The following IFT140 variants were observed in gnomAD, a reference collection of about 807,000 sequenced individuals.
IFT140 encodes intraflagellar transport protein 140 homolog.
IFT140 carries 133 observed loss-of-function variants against 164.6 expected under a neutral mutation model. That is an observed-to-expected ratio of 0.81 (90% CI 0.70 to 0.93). The LOEUF (loss-of-function observed/expected upper bound fraction) is 0.93, where lower values mean the gene tolerates loss of function less well. Among genes scored for constraint, IFT140 ranks in the 40% least tolerant of loss-of-function variants. The pLI, the probability that IFT140 is intolerant of heterozygous loss-of-function variation, is 0.00. For synonymous variants in IFT140, 860 were observed against 817.3 expected (o/e 1.05, Z -0.89); for missense variants, 2,045 against 1,972.3 (o/e 1.04, Z -0.70).
intron 30 of IFT140, among the ~76,000 whole-genome samples, chr16:1,513,837 C>A (rs1015358999): frequency 1.3e-5 from 2 of 148,332 alleles, no homozygotes; most frequent in Non-Finnish European, 3.0e-5. Flanking sequence ...CCACACCCGG[C>A]TAATTTTTTG....
rs186139994 is a variant in IFT140 at position 1,584,069 on chromosome 16, T to C, written c.1359+148A>G. 7 of 653,332 alleles carry C rather than the reference T, an allele frequency of 1.1e-5. No homozygotes were observed. In the African/African-American group the frequency reaches 1.1e-4, roughly 10 times the overall value. The allele number at this position is 653,332 out of a possible 1,614,324, so 40.5% of individuals were successfully genotyped here. Reference sequence around the variant, plus strand: ...ATTACGATTTTCTTTATGAATATAATGTACATGGATATCCAGGAAATAAGA... The same window carrying C: ...ATTACGATTTTCTTTATGAATATAACGTACATGGATATCCAGGAAATAAGA... On this transcript the variant is annotated intron_variant, in intron 11 of 30. Coordinates refer to ENST00000426508, the MANE Select transcript of IFT140 (RefSeq NM_014714.4).
intron 19 of IFT140, among the ~76,000 whole-genome samples, chr16:1,536,669 C>CA (rs1426243761): frequency 6.6e-6 from 1 of 152,130 alleles, no homozygotes; most frequent in African/African-American, 2.4e-5. Flanking sequence ...GGAGTGCAGC[C>CA]ACCACATCCC....
Position 1,566,301 on chromosome 16 carries a change from G to A in IFT140, c.1771-10C>T. The A allele has an allele frequency of 6.2e-7, 1 of 1,612,772 alleles. No individual in the cohort carries two copies. Among genetic ancestry groups the A allele is most frequent in the Non-Finnish European group, 8.5e-7 (1 of 1,179,142 alleles). ...CAGGGCTGTTGTCAGCCTAGGAGAA[G>A]AGAAAACCAGAAAGCTCACGGAGCC... On this transcript the variant is annotated splice_polypyrimidine_tract_variant and intron_variant, in intron 15 of 30. Transcript: ENST00000426508.
chr16:1,519,848 C>G (rs765101783), intron 29 of IFT140, 33 bp downstream of exon 29: 33 of 1,512,906 alleles, frequency 2.2e-5, no homozygotes, highest in Non-Finnish European at 2.9e-5. Flanking sequence ...TCACATCTGC[C>G]CTGGCCTGTC....
chr16:1,547,673 C>CTG (rs1596342163), intron 19 of IFT140, among the ~76,000 whole-genome samples: 1 of 152,116 alleles, frequency 6.6e-6, no homozygotes, highest in Non-Finnish European at 1.5e-5. Context: ...AGTAGCTGGA[C>CTG]TACAGGCATG....
At chr16:1,540,607 G>A (rs952854765) in intron 19 of IFT140, among the ~76,000 whole-genome samples, 11 of 152,224 alleles carry the variant, frequency 7.2e-5, no homozygotes, top group Non-Finnish European at 1.5e-4. Context: ...TGGTGTCTGT[G>A]ATGAATGCGG....
chr16:1,515,017 G>T (rs916814775), intron 30 of IFT140, among the ~76,000 whole-genome samples: 1 of 152,022 alleles, frequency 6.6e-6, no homozygotes, highest in African/African-American at 2.4e-5. Flanking sequence ...GATAGCTAAA[G>T]AAAGTCTAGA....
intron 19 of IFT140, among the ~76,000 whole-genome samples, chr16:1,548,368 GC>G (rs1426339726): frequency 6.6e-6 from 1 of 152,216 alleles, no homozygotes; most frequent in African/African-American, 2.4e-5. Flanking sequence ...AGAAGCTGAA[GC>G]CCCAAGAAGC....
Position 1,510,734 on chromosome 16 carries a change from C to T in IFT140, c.*210G>A, listed in dbSNP as rs901811355. The T allele has an allele frequency of 6.7e-6, 4 of 598,018 alleles. No homozygotes were observed. Among genetic ancestry groups the T allele is most frequent in the Non-Finnish European group, 1.2e-5 (4 of 337,742 alleles). The allele number at this position is 598,018 out of a possible 1,614,324, so 37.0% of individuals were successfully genotyped here. On this transcript the variant is annotated 3_prime_UTR_variant, in exon 31 of 31. Coordinates refer to ENST00000426508, the MANE Select transcript of IFT140 (RefSeq NM_014714.4). ...GAATCCAAAAATCTAGTGGAGCTGC[C>T]GGGCACCCAGAGGCAGGTGGGACAG... is the stretch of plus-strand genomic sequence containing the variant.
intron 10 of IFT140, 132 bp from the exon 11 acceptor site, chr16:1,584,552 A>G: frequency 1.4e-6 from 1 of 711,002 alleles, no homozygotes; most frequent in South Asian, 1.8e-5. Flanking sequence ...GACTTAAAAA[A>G]TGATCTTATA....
At position 1,602,725 on chromosome 16, in the gene IFT140, A is replaced by G. The variant is rs1331343039; in HGVS notation, c.148-134T>C. On this transcript the variant is annotated intron_variant, in intron 3 of 30. Coordinates refer to ENST00000426508, the MANE Select transcript of IFT140 (RefSeq NM_014714.4). ...GGGAGGCTGAGGTGGGTGGATCACA[A>G]AGTCAGGAGTTCGAGACCAGCTGGG... 3 of 773,052 alleles carry G rather than the reference A, an allele frequency of 3.9e-6. No individual in the cohort carries two copies. In the African/African-American group the frequency reaches 5.2e-5, roughly 13 times the overall value. 47.9% of individuals were successfully genotyped at this position (773,052 alleles called of 1,614,324 possible).
rs2034869951 is a variant in IFT140, at chr16:1,586,222, G to C, written c.1063C>G (p.Pro355Ala). ...GCCCCGGGGCTGCCCAGGAAGTCTG[G>C]TACTTTCCTCCACATGGCTACTCGC... ...RGRVAMWRKV[P>A]DFLGSPGAEG... Residue 355 changes from proline to alanine, a missense_variant, in exon 10 of 31, where the codon CCA (proline) becomes GCA (alanine). By Grantham distance (27) the Pro-to-Ala change is conservative. Transcript: ENST00000426508. 1.1e-5 allele frequency: 17 copies of C among 1,613,930 alleles called. No homozygotes were observed. The highest frequency in any genetic ancestry group is 1.4e-5 in the Non-Finnish European group (16 of 1,179,986).
intron 19 of IFT140, among the ~76,000 whole-genome samples, chr16:1,542,760 G>A (rs578211116): frequency 1.3e-5 from 2 of 152,372 alleles, no homozygotes; most frequent in South Asian, 2.1e-4. Flanking sequence ...CCATCACGAG[G>A]CCCTGGCTTC....
intron 15 of IFT140, among the ~76,000 whole-genome samples, chr16:1,567,162 C>T (rs1012127267): frequency 9.2e-5 from 14 of 152,232 alleles, no homozygotes; most frequent in African/African-American, 3.1e-4. Flanking sequence ...AGTCCATCGT[C>T]AAGCCCCACT....
intron 20 of IFT140, 105 bp downstream of exon 20, chr16:1,526,514 T>C: frequency 1.7e-6 from 2 of 1,186,454 alleles, no homozygotes; most frequent in Non-Finnish European, 2.3e-6. Flanking sequence ...TCTGCCCACA[T>C]CAGTGCAGGC....
chr16:1,528,435 A>ACACACACATTCACATGCATG (rs2030032340), intron 19 of IFT140, among the ~76,000 whole-genome samples: 1 of 150,982 alleles, frequency 6.6e-6, no homozygotes, highest in South Asian at 2.1e-4. Context: ...ACACAGATGC[A>ACACACACATTCACATGCATG]CACACACATT....
At position 1,510,541 on chromosome 16, in the gene IFT140, C is replaced by T. The variant is rs143732634; in HGVS notation, c.*403G>A. Reference sequence around the variant, plus strand: ...GGTGTCCCAGCTGTTGCTCAGGAGCCGTGGGCCCTGCAGGAGTATGGGGAG... The same window carrying T: ...GGTGTCCCAGCTGTTGCTCAGGAGCTGTGGGCCCTGCAGGAGTATGGGGAG... On this transcript the variant is annotated 3_prime_UTR_variant, in exon 31 of 31. Transcript: ENST00000426508. 5.6e-4 allele frequency: 150 copies of T among 267,502 alleles called. No individual in the cohort carries two copies. The highest frequency in any genetic ancestry group is 5.4e-3 in the East Asian group (46 of 8,592). 16.6% of individuals were successfully genotyped at this position (267,502 alleles called of 1,614,324 possible). A position where few individuals can be genotyped will look rare whatever the true frequency, so the allele number is the denominator to read the frequency against.
chr16:1,593,988 A>G (rs1166569210), intron 4 of IFT140, among the ~76,000 whole-genome samples: 3 of 152,178 alleles, frequency 2.0e-5, no homozygotes, highest in Non-Finnish European at 4.4e-5. Context: ...CTTCACCACC[A>G]TTAACTCATT....
At chr16:1,581,055 C>T (rs141046101) in intron 12 of IFT140, among the ~76,000 whole-genome samples, 2 of 152,286 alleles carry the variant, frequency 1.3e-5, no homozygotes, top group African/African-American at 2.4e-5. Flanking sequence ...AGTGGCAGTG[C>T]GTGCGGGTCC....
Sources: allele counts gnomAD v4.1 joint callset (sites outside exome capture counted in the v4.1 genomes callset), GRCh38; gene constraint gnomAD v4.1.1; transcripts MANE v1.5; gene names NCBI Gene and HGNC (gene_info 2026-07-23, HGNC 2026-07-21).